Variants in ST6GAL1 observed in about 807,000 individuals in gnomAD.
ST6GAL1 encodes beta-galactoside alpha-2,6-sialyltransferase 1.
A neutral mutation model predicts 38.0 loss-of-function variants in ST6GAL1; 20 were observed. That is an observed-to-expected ratio of 0.53 (90% confidence interval 0.37 to 0.77). ST6GAL1 has a LOEUF of 0.77. ST6GAL1 is among the 30% of genes least tolerant of loss of function. ST6GAL1 has a pLI of 0.00. For missense variants in ST6GAL1, 432 were observed against 496.4 expected, an observed-to-expected ratio of 0.87 and a Z score of 1.23; for synonymous variants, 196 against 188.2, an observed-to-expected ratio of 1.04 and a Z score of -0.34.
intron 2 of ST6GAL1, among the ~76,000 whole-genome samples, chr3:187,027,027 C>T (rs958506287): frequency 9.3e-5 from 14 of 150,152 alleles, no homozygotes; most frequent in East Asian, 3.9e-4. Context: ...CCAGCCTGGG[C>T]GACAGAGGGA....
chr3:187,019,306 G>A lies in ST6GAL1; in HGVS notation c.-182-19436G>A, dbSNP rs188909122. 2.9e-4 allele frequency among the ~76,000 whole-genome samples: 44 copies of A among 152,280 alleles called. No individual in the cohort carries two copies. In the East Asian group the frequency reaches 8.1e-3, roughly 28 times the overall value. ...ATCTATAGCTGAATATTCTGTTGAT[G>A]GTTTTAAACCATAGAAATAAATATT... On this transcript the variant is annotated intron_variant, in intron 2 of 7. Transcript: ENST00000169298.
intron 2 of ST6GAL1, among the ~76,000 whole-genome samples, chr3:186,967,381 G>A (rs560393375): frequency 4.9e-4 from 74 of 152,278 alleles, no homozygotes; most frequent in East Asian, 3.1e-3. Flanking sequence ...TAGTAGAGAC[G>A]GGGTTTTGCC....
intron 1 of ST6GAL1, among the ~76,000 whole-genome samples, chr3:186,945,883 T>C (rs1332182877): frequency 1.1e-4 from 16 of 145,774 alleles, no homozygotes; most frequent in African/African-American, 3.8e-4. Context: ...CTCAGCTACT[T>C]GGGAGGCTGA....
chr3:186,983,326 A>G (rs1715755177), intron 2 of ST6GAL1, among the ~76,000 whole-genome samples: 1 of 152,218 alleles, frequency 6.6e-6, no homozygotes, highest in South Asian at 2.1e-4. Context: ...TTTTAATTTG[A>G]TTAGAATATA....
Position 186,998,103 on chromosome 3 carries a change from A to T in ST6GAL1, c.-183+34177A>T, listed in dbSNP as rs1308420663. On this transcript the variant is annotated intron_variant, in intron 2 of 7. Transcript: ENST00000169298. ...TTATTTTTATAAAATTTAATTGTTTAAAAAATACGGGAAGTAAAAAGAAAC... is the reference window on the plus strand; with the variant it reads ...TTATTTTTATAAAATTTAATTGTTTTAAAAATACGGGAAGTAAAAAGAAAC... Among the ~76,000 whole-genome samples, 5 of 152,210 alleles carry T rather than the reference A, an allele frequency of 3.3e-5. No individual in the cohort carries two copies. The South Asian group carries it at 6.2e-4, about 19-fold the overall frequency.
chr3:187,037,171 T>C (rs1717959989), intron 2 of ST6GAL1, among the ~76,000 whole-genome samples: 1 of 152,250 alleles, frequency 6.6e-6, no homozygotes, highest in Non-Finnish European at 1.5e-5. Context: ...TACATTAATT[T>C]ATATGATCCT....
chr3:187,028,826 C>T lies in ST6GAL1; in HGVS notation c.-182-9916C>T, dbSNP rs1434237486. 7.2e-5 allele frequency among the ~76,000 whole-genome samples: 11 copies of T among 152,240 alleles called. No homozygotes were observed. In the East Asian group the frequency reaches 1.2e-3, roughly 16 times the overall value. On this transcript the variant is annotated intron_variant, in intron 2 of 7. Coordinates refer to ENST00000169298, the MANE Select transcript of ST6GAL1 (RefSeq NM_173216.2). ...GATTTGTCTGATAATTTTCCTTTGGCGCTATTTGACTTGTTCTTCTTTCTT... is the reference window on the plus strand; with the variant it reads ...GATTTGTCTGATAATTTTCCTTTGGTGCTATTTGACTTGTTCTTCTTTCTT...
chr3:187,071,696 C>A (rs1719380235), intron 5 of ST6GAL1, among the ~76,000 whole-genome samples: 1 of 149,136 alleles, frequency 6.7e-6, no homozygotes, highest in Non-Finnish European at 1.5e-5. Context: ...GGAGGCGGAG[C>A]CTGCAGTGAG....
chr3:187,004,918 C>G (rs1278484406), intron 2 of ST6GAL1, among the ~76,000 whole-genome samples: 1 of 152,168 alleles, frequency 6.6e-6, no homozygotes, highest in Admixed American at 6.5e-5. Context: ...CCTCTTCTTC[C>G]TTTCATTACT....
intron 2 of ST6GAL1, among the ~76,000 whole-genome samples, chr3:187,013,437 G>A (rs1207102186): frequency 6.6e-6 from 1 of 152,154 alleles, no homozygotes; most frequent in East Asian, 1.9e-4. Context: ...CCTCACATCT[G>A]TGCCCTGGTT....
chr3:186,960,443 C>G (rs919046685), intron 1 of ST6GAL1, among the ~76,000 whole-genome samples: 3 of 152,102 alleles, frequency 2.0e-5, no homozygotes, highest in Non-Finnish European at 4.4e-5. Flanking sequence ...AGTAGAGAGA[C>G]CAAATCTGGG....
rs1386591233 is a variant in ST6GAL1, at chr3:186,984,890, TTCTC to T, written c.-183+20968_-183+20971del. On this transcript the variant is annotated intron_variant, in intron 2 of 7. Transcript: ENST00000169298. ...TTCCGTCCTTCCTTCCGTCCTTTCTTTCTCTCTTTCTCTGTCTCTCTCTTTTCTT... is the reference window on the plus strand; with the variant it reads ...TTCCGTCCTTCCTTCCGTCCTTTCTTTCTTTCTCTGTCTCTCTCTTTTCTT... Among the ~76,000 whole-genome samples the T allele has an allele frequency of 2.7e-5, 4 of 146,728 alleles. No homozygotes were observed. In the South Asian group the frequency reaches 8.9e-4, roughly 33 times the overall value.
chr3:187,027,173 A>G (rs1717569216), intron 2 of ST6GAL1, among the ~76,000 whole-genome samples: 1 of 152,354 alleles, frequency 6.6e-6, no homozygotes, highest in South Asian at 2.1e-4. Context: ...TTTAAAAAGT[A>G]TTGATCTAAC....
At chr3:187,072,630 CT>C (rs1385698824) in intron 5 of ST6GAL1, 3 of 517,972 alleles carry the variant, frequency 5.8e-6, no homozygotes, top group Non-Finnish European at 1.1e-5. Context: ...CCTTTCTATT[CT>C]ATGGCTAGTG....
At chr3:186,990,809 A>G (rs13317981) in intron 2 of ST6GAL1, among the ~76,000 whole-genome samples, 20,625 of 150,898 alleles carry the variant, frequency 0.14, 1,463 homozygotes, top group Middle Eastern at 0.19. Flanking sequence ...GCAAAACTTC[A>G]TCTCAAAAAA....
chr3:186,999,907 G>C (rs1021506877), intron 2 of ST6GAL1, among the ~76,000 whole-genome samples: 1 of 145,844 alleles, frequency 6.9e-6, no homozygotes, highest in Non-Finnish European at 1.5e-5. Flanking sequence ...AGTGGCTATT[G>C]TAGTTCACTG....
chr3:187,031,409 G>A (rs765886903), intron 2 of ST6GAL1, among the ~76,000 whole-genome samples: 2 of 152,088 alleles, frequency 1.3e-5, no homozygotes, highest in Non-Finnish European at 2.9e-5. Flanking sequence ...GGAAGGGATG[G>A]TGACTGTTGT....
At chr3:187,053,554 G>T (rs1233706256) in intron 5 of ST6GAL1, among the ~76,000 whole-genome samples, 2 of 152,064 alleles carry the variant, frequency 1.3e-5, no homozygotes, top group African/African-American at 4.8e-5. Context: ...ATTAAATAGG[G>T]AATCCTTTCC....
At chr3:186,981,420 T>G (rs1363307027) in intron 2 of ST6GAL1, among the ~76,000 whole-genome samples, 1 of 152,180 alleles carries the variant, frequency 6.6e-6, no homozygotes, top group African/African-American at 2.4e-5. Flanking sequence ...GGCCTCCTTC[T>G]TATTTGCTTT....
Sources: allele counts gnomAD v4.1 joint callset (sites outside exome capture counted in the v4.1 genomes callset), GRCh38; gene constraint gnomAD v4.1.1; transcripts MANE v1.5; gene names NCBI Gene and HGNC (gene_info 2026-07-23, HGNC 2026-07-21).